Variants in DSCAM observed in about 807,000 individuals in gnomAD.
DSCAM encodes the protein DS cell adhesion molecule, also known as cell adhesion molecule DSCAM.
In DSCAM, 47 loss-of-function variants were observed where a neutral mutation model predicts 217.7. The observed-to-expected ratio is 0.22, with a 90% CI of 0.17 to 0.28. DSCAM has a LOEUF of 0.28. Among genes scored for constraint, DSCAM ranks in the 10% least tolerant of loss-of-function variants. The pLI is 1.00. For synonymous variants in DSCAM, 1,056 were observed against 1,015.3 expected (o/e 1.04, Z -0.76); for missense variants, 2,080 against 2,618.3 (o/e 0.79, Z 4.49).
Position 40,637,440 on chromosome 21 carries a change from T to A in DSCAM, c.508+55370A>T, listed in dbSNP as rs1443048446. 2.0e-4 allele frequency among the ~76,000 whole-genome samples: 7 copies of A among 34,948 alleles called. 2 individuals are homozygous for A. The highest frequency in any genetic ancestry group is 1.5e-3 in the Admixed American group (2 of 1,332). The allele number at this position is 34,948 out of a possible 152,430, so 22.9% of individuals were successfully genotyped here. A position where few individuals can be genotyped will look rare whatever the true frequency, so the allele number is the denominator to read the frequency against. On this transcript the variant is annotated intron_variant, in intron 3 of 32. Transcript: ENST00000400454. Reference sequence around the variant, plus strand: ...ATATATATAAATATATAAATATAAATATATATATAAATATATACAAATATA... The same window carrying A: ...ATATATATAAATATATAAATATAAAAATATATATAAATATATACAAATATA...
intron 3 of DSCAM, among the ~76,000 whole-genome samples, chr21:40,615,936 G>A (rs1223609409): frequency 6.6e-6 from 1 of 152,042 alleles, no homozygotes; most frequent in Non-Finnish European, 1.5e-5. Flanking sequence ...CTGTCATGAA[G>A]TCTTCAAGAA....
chr21:40,084,494 A>C (rs2089504991), intron 23 of DSCAM, among the ~76,000 whole-genome samples: 1 of 147,078 alleles, frequency 6.8e-6, no homozygotes, highest in African/African-American at 2.5e-5. Flanking sequence ...CTATTGCTCC[A>C]AGATGCAACA....
At chr21:40,828,618 A>T (rs1014386486) in intron 1 of DSCAM, among the ~76,000 whole-genome samples, 4 of 151,362 alleles carry the variant, frequency 2.6e-5, no homozygotes, top group Admixed American at 2.6e-4. Flanking sequence ...CAAATAAGCC[A>T]ATCACATCCT....
At chr21:40,192,305 C>T (rs182867769) in intron 11 of DSCAM, among the ~76,000 whole-genome samples, 28 of 152,130 alleles carry the variant, frequency 1.8e-4, no homozygotes, top group African/African-American at 6.5e-4. Context: ...AAATACAATT[C>T]GTCTCCCATA....
intron 11 of DSCAM, among the ~76,000 whole-genome samples, chr21:40,224,657 T>C (rs1256438742): frequency 6.6e-6 from 1 of 152,158 alleles, no homozygotes; most frequent in Non-Finnish European, 1.5e-5. Context: ...AATCAACAAT[T>C]GGCAATAAAT....
At chr21:40,330,363 G>C (rs939759672) in intron 8 of DSCAM, among the ~76,000 whole-genome samples, 11 of 139,600 alleles carry the variant, frequency 7.9e-5, no homozygotes, top group Non-Finnish European at 1.5e-4. Flanking sequence ...AATAAATTAT[G>C]CATATATTTA....
rs78858915 is a variant in DSCAM at position 40,656,919 on chromosome 21, A to G, written c.508+35891T>C. On this transcript the variant is annotated intron_variant, in intron 3 of 32. Coordinates refer to ENST00000400454, the MANE Select transcript of DSCAM (RefSeq NM_001389.5). The stretch of plus-strand genomic sequence containing the variant: ...TTTTCTTTTCTTCACTGGACAAAAA[A>G]TATGAAATGCTAACTGTGCATGAAG... Among the ~76,000 whole-genome samples, 1,393 of 152,350 alleles carry G rather than the reference A, an allele frequency of 9.1e-3. 11 individuals are homozygous for G. The highest frequency in any genetic ancestry group is 0.014 in the Non-Finnish European group (967 of 68,028).
At chr21:40,285,480 C>G (rs1290695345) in intron 10 of DSCAM, among the ~76,000 whole-genome samples, 2 of 152,148 alleles carry the variant, frequency 1.3e-5, no homozygotes, top group Admixed American at 6.5e-5. Flanking sequence ...AGGTGAGGAC[C>G]CTGCAGAGGT....
At chr21:40,376,277 T>G (rs1401748295) in intron 3 of DSCAM, among the ~76,000 whole-genome samples, 1 of 152,030 alleles carries the variant, frequency 6.6e-6, no homozygotes, top group East Asian at 1.9e-4. Context: ...GCCGTTTCAA[T>G]AACAGTTTCT....
intron 15 of DSCAM, among the ~76,000 whole-genome samples, chr21:40,169,601 G>A (rs2090633926): frequency 6.6e-6 from 1 of 152,154 alleles, no homozygotes; most frequent in African/African-American, 2.4e-5. Flanking sequence ...CTATAAGAAT[G>A]CCAAGAAACG....
intron 1 of DSCAM, among the ~76,000 whole-genome samples, chr21:40,772,754 T>A (rs1359492632): frequency 6.6e-6 from 1 of 152,228 alleles, no homozygotes; most frequent in African/African-American, 2.4e-5. Context: ...GTGGTTCCCT[T>A]TGTGGGTGTT....
intron 27 of DSCAM, among the ~76,000 whole-genome samples, chr21:40,073,885 G>T (rs2089328702): frequency 6.6e-6 from 1 of 152,182 alleles, no homozygotes; most frequent in Admixed American, 6.5e-5. Context: ...ACTGATGGCT[G>T]ACCTGAATTA....
intron 27 of DSCAM, among the ~76,000 whole-genome samples, chr21:40,072,428 G>A (rs1053248386): frequency 8.6e-5 from 13 of 150,414 alleles, no homozygotes; most frequent in African/African-American, 3.2e-4. Flanking sequence ...CTCACTGCAA[G>A]CTCCGCCTCC....
At chr21:40,820,119 C>CA (rs2091913424) in intron 1 of DSCAM, among the ~76,000 whole-genome samples, 1 of 152,084 alleles carries the variant, frequency 6.6e-6, no homozygotes, top group South Asian at 2.1e-4. Flanking sequence ...GGTATATACC[C>CA]AGAGGGTTAT....
intron 3 of DSCAM, among the ~76,000 whole-genome samples, chr21:40,682,697 G>A (rs1339207216): frequency 2.8e-4 from 1 of 3,562 alleles, no homozygotes; most frequent in Non-Finnish European, 5.3e-4. Context: ...AGGGAGCGGA[G>A]GGGAAGGGAG....
At chr21:40,157,697 CTTTTTTTT>C (rs3069725) in intron 16 of DSCAM, among the ~76,000 whole-genome samples, 1 of 146,760 alleles carries the variant, frequency 6.8e-6, no homozygotes, top group Non-Finnish European at 1.5e-5. Context: ...TTTCTTTTTT[CTTTTTTTT>C]TTTTTTCCTG....
At chr21:40,189,699 T>A (rs1391198847) in intron 11 of DSCAM, among the ~76,000 whole-genome samples, 1 of 152,194 alleles carries the variant, frequency 6.6e-6, no homozygotes, top group African/African-American at 2.4e-5. Context: ...CTGATGGTTT[T>A]AAAAATGGGA....
In DSCAM at chr21:40,825,316, T is replaced by TCC. The variant is rs1197844434; in HGVS notation, c.43+21302_43+21303insGG. Among the ~76,000 whole-genome samples, 976 of 149,976 alleles carry TCC rather than the reference T, an allele frequency of 6.5e-3. 9 individuals are homozygous for TCC. Among genetic ancestry groups the TCC allele is most frequent in the African/African-American group, 0.02 (813 of 40,392 alleles). On this transcript the variant is annotated intron_variant, in intron 1 of 32. Transcript: ENST00000400454. ...TTCCTTCCTTCCTTCCTTCCTTCCTTTTTTTCTTCCTTTCTTTCTGAGATG... is the reference window on the plus strand; with the variant it reads ...TTCCTTCCTTCCTTCCTTCCTTCCTTCCTTTTTCTTCCTTTCTTTCTGAGATG...
intron 3 of DSCAM, among the ~76,000 whole-genome samples, chr21:40,492,429 T>G (rs534055562): frequency 7.3e-4 from 111 of 152,162 alleles, no homozygotes; most frequent in African/African-American, 2.5e-3. Context: ...TTCTCACAAA[T>G]AATTCAAAAA....
Sources: allele counts gnomAD v4.1 joint callset (sites outside exome capture counted in the v4.1 genomes callset), GRCh38; gene constraint gnomAD v4.1.1; transcripts MANE v1.5; gene names NCBI Gene and HGNC (gene_info 2026-07-23, HGNC 2026-07-21).